SPSB4: variants seen among roughly 807,000 people sequenced by gnomAD.
SPSB4 encodes the protein splA/ryanodine receptor domain and SOCS box containing 4.
Under a neutral mutation model 20.9 loss-of-function variants are expected in SPSB4, and 21 were observed. That is an observed-to-expected ratio of 1.01 (90% CI 0.71 to 1.45). SPSB4 has a LOEUF of 1.45. Among genes scored for constraint, SPSB4 ranks in the 40% most tolerant of loss-of-function variants. The probability of loss-of-function intolerance (pLI) is 0.00; values close to 1 mark genes in which losing one functional copy is unlikely to be tolerated. For missense variants in SPSB4, 399 were observed against 399.2 expected, an observed-to-expected ratio of 1.00 and a Z score of 0.00; for synonymous variants, 207 against 183.8, an observed-to-expected ratio of 1.13 and a Z score of -1.02.
rs557292937 is a variant in SPSB4, at chr3:141,083,800, T to A, written c.694+17002T>A. ...GCGGTGGTGAAGGGGGTCTGTGGGG[T>A]CTTTATAAGGCATGGCCCCTTCTTA... On this transcript the variant is annotated intron_variant, in intron 2 of 2. Coordinates refer to ENST00000310546, the MANE Select transcript of SPSB4 (RefSeq NM_080862.3). 2.6e-5 allele frequency among the ~76,000 whole-genome samples: 4 copies of A among 151,836 alleles called. No homozygotes were observed. The East Asian group carries it at 7.8e-4, about 29-fold the overall frequency.
intron 2 of SPSB4, among the ~76,000 whole-genome samples, chr3:141,110,553 A>G (rs1176376488): frequency 6.6e-6 from 1 of 152,226 alleles, no homozygotes; most frequent in Non-Finnish European, 1.5e-5. Context: ...ACTGACTTCA[A>G]ACAACAAAGG....
At position 141,142,918 on chromosome 3, in the gene SPSB4, A is replaced by G. The variant is rs747790702; in HGVS notation, c.695-4224A>G. On this transcript the variant is annotated intron_variant, in intron 2 of 2. Transcript: ENST00000310546. ...TGCAAGTTCCACCTCCCAGGTTCAC[A>G]CCATTCTCCTGCCTCAGCCTCCCGA... is the stretch of plus-strand genomic sequence containing the variant. 8.4e-4 allele frequency among the ~76,000 whole-genome samples: 118 copies of G among 139,740 alleles called. 2 individuals carry two copies. The highest frequency in any genetic ancestry group is 3.3e-4 in the Non-Finnish European group (22 of 66,396). 91.7% of individuals were successfully genotyped at this position (139,740 alleles called of 152,430 possible). A position where few individuals can be genotyped will look rare whatever the true frequency, so the allele number is the denominator to read the frequency against.
rs150874353 is a variant in SPSB4 at position 141,063,896 on chromosome 3, C to T, written c.-153-2056C>T. Among the ~76,000 whole-genome samples, 587 of 152,366 alleles carry T rather than the reference C, an allele frequency of 3.9e-3. 7 individuals carry two copies. Among genetic ancestry groups the T allele is most frequent in the African/African-American group, 0.013 (561 of 41,586 alleles). On this transcript the variant is annotated intron_variant, in intron 1 of 2. Transcript: ENST00000310546. ...TAGTGACTTCCTTTAGTCTTTGCTTCTACTCTGTCAGCAGAGTTCTGCAGC... is the reference window on the plus strand; with the variant it reads ...TAGTGACTTCCTTTAGTCTTTGCTTTTACTCTGTCAGCAGAGTTCTGCAGC...
At chr3:141,086,533 T>C (rs759658999) in intron 2 of SPSB4, among the ~76,000 whole-genome samples, 1 of 152,178 alleles carries the variant, frequency 6.6e-6, no homozygotes, top group Non-Finnish European at 1.5e-5. Flanking sequence ...TGGCACACAG[T>C]GTGGACGTGT....
intron 1 of SPSB4, among the ~76,000 whole-genome samples, chr3:141,056,046 A>G (rs1937632773): frequency 6.6e-6 from 1 of 152,226 alleles, no homozygotes. Context: ...AGTTGAAGCA[A>G]TGGACTTGGG....
At chr3:141,057,547 A>T (rs1937671199) in intron 1 of SPSB4, among the ~76,000 whole-genome samples, 1 of 152,184 alleles carries the variant, frequency 6.6e-6, no homozygotes, top group African/African-American at 2.4e-5. Context: ...TCTCTAAGCC[A>T]GGTCCATGGG....
chr3:141,090,407 A>T (rs1422673218), intron 2 of SPSB4, among the ~76,000 whole-genome samples: 1 of 152,170 alleles, frequency 6.6e-6, no homozygotes, highest in East Asian at 1.9e-4. Flanking sequence ...GAGAAAAATA[A>T]AATAGGAAAG....
chr3:141,062,338 T>C (rs1383249773), intron 1 of SPSB4, among the ~76,000 whole-genome samples: 3 of 151,772 alleles, frequency 2.0e-5, no homozygotes, highest in Non-Finnish European at 4.4e-5. Flanking sequence ...TAATATAACA[T>C]AATATAATAT....
intron 2 of SPSB4, among the ~76,000 whole-genome samples, chr3:141,137,869 C>T (rs1939254369): frequency 6.6e-6 from 1 of 152,124 alleles, no homozygotes; most frequent in African/African-American, 2.4e-5. Flanking sequence ...AGGGAGGATT[C>T]CCTCTTTTTC....
At chr3:141,145,373 C>G (rs1343345575) in intron 2 of SPSB4, among the ~76,000 whole-genome samples, 1 of 152,026 alleles carries the variant, frequency 6.6e-6, no homozygotes, top group Non-Finnish European at 1.5e-5. Context: ...TCCCCAAGCC[C>G]CACTTTAATT....
intron 2 of SPSB4, among the ~76,000 whole-genome samples, chr3:141,117,893 C>T (rs1938903468): frequency 6.6e-6 from 1 of 152,182 alleles, no homozygotes; most frequent in South Asian, 2.1e-4. Flanking sequence ...GTTCTTAATC[C>T]AGTCTATCAT....
At chr3:141,085,364 G>T in intron 2 of SPSB4, among the ~76,000 whole-genome samples, 1 of 152,308 alleles carries the variant, frequency 6.6e-6, no homozygotes, top group East Asian at 1.9e-4. Context: ...CAAGGATGTT[G>T]TGGGGCTCCA....
In SPSB4 at chr3:141,066,005, A is replaced by G. The variant is rs968133980; in HGVS notation, c.-100A>G. 8.8e-7 allele frequency: 1 copy of G among 1,136,168 alleles called. No individual in the cohort carries two copies. The highest frequency in any genetic ancestry group is 1.2e-6 in the Non-Finnish European group (1 of 847,434). 70.4% of individuals were successfully genotyped at this position (1,136,168 alleles called of 1,614,324 possible). A position where few individuals can be genotyped will look rare whatever the true frequency, so the allele number is the denominator to read the frequency against. On this transcript the variant is annotated 5_prime_UTR_variant, in exon 2 of 3. Transcript: ENST00000310546. ...GAGGCTGTGGAGGTCTACCGTCCGGAAGCCTGGTTCCCAGCCCCGTGGCCC... is the reference window on the plus strand; with the variant it reads ...GAGGCTGTGGAGGTCTACCGTCCGGGAGCCTGGTTCCCAGCCCCGTGGCCC...
At chr3:141,069,412 A>G (rs1053941895) in intron 2 of SPSB4, among the ~76,000 whole-genome samples, 4 of 152,210 alleles carry the variant, frequency 2.6e-5, no homozygotes, top group Admixed American at 6.5e-5. Flanking sequence ...GTCTCTGAGC[A>G]GGGAAGGTGA....
At chr3:141,098,662 G>T (rs1293005614) in intron 2 of SPSB4, among the ~76,000 whole-genome samples, 1 of 152,166 alleles carries the variant, frequency 6.6e-6, no homozygotes, top group Non-Finnish European at 1.5e-5. Flanking sequence ...TCCTCTAGTA[G>T]ATTCTCTTTT....
intron 2 of SPSB4, among the ~76,000 whole-genome samples, chr3:141,123,428 A>G (rs933624311): frequency 1.3e-5 from 2 of 152,236 alleles, no homozygotes; most frequent in African/African-American, 4.8e-5. Flanking sequence ...GTGTGCCTCA[A>G]TAATGCCTTG....
intron 2 of SPSB4, among the ~76,000 whole-genome samples, chr3:141,134,572 G>T (rs1379395357): frequency 1.3e-5 from 2 of 152,032 alleles, no homozygotes; most frequent in Non-Finnish European, 1.5e-5. Context: ...CTATTGACAT[G>T]CTTATATGAT....
chr3:141,140,067 G>A (rs540682495), intron 2 of SPSB4, among the ~76,000 whole-genome samples: 15 of 151,862 alleles, frequency 9.9e-5, no homozygotes, highest in African/African-American at 2.2e-4. Flanking sequence ...TTCTCTTCAC[G>A]CTTCATTTCA....
intron 2 of SPSB4, among the ~76,000 whole-genome samples, chr3:141,082,374 T>A (rs1938249325): frequency 6.6e-6 from 1 of 152,136 alleles, no homozygotes; most frequent in Non-Finnish European, 1.5e-5. Flanking sequence ...GGAGGTGGCA[T>A]TTCTGGCTGA....
Sources: gnomAD v4.1 joint callset for allele counts (sites outside exome capture counted in the v4.1 genomes callset) on GRCh38, gnomAD v4.1.1 for gene constraint, MANE v1.5 for transcripts, NCBI Gene and HGNC (gene_info 2026-07-23, HGNC 2026-07-21) for gene names.